TNFSF11: variants seen among roughly 807,000 people sequenced by gnomAD.
The protein encoded by TNFSF11 is tumor necrosis factor ligand superfamily member 11.
Under a neutral mutation model 32.2 loss-of-function variants are expected in TNFSF11, and 12 were observed. The ratio of observed to expected loss-of-function variants is 0.37; its 90% CI spans 0.24 to 0.60. The LOEUF (loss-of-function observed/expected upper bound fraction) is 0.60, where lower values mean the gene tolerates loss of function less well. Ranked by LOEUF, TNFSF11 falls within the 20% of genes least tolerant of loss-of-function variation. The pLI is 0.66. For missense variants in TNFSF11, 345 were observed against 398.0 expected (o/e 0.87, Z 1.13); for synonymous variants, 172 against 152.1 (o/e 1.13, Z -0.96).
At chr13:42,564,216 C>T (rs1170912380) in intron 1 of TNFSF11, among the ~76,000 whole-genome samples, 1 of 152,122 alleles carries the variant, frequency 6.6e-6, no homozygotes, top group Non-Finnish European at 1.5e-5. Context: ...TCTATCTCTT[C>T]ATCCATTTTG....
intron 2 of TNFSF11, among the ~76,000 whole-genome samples, chr13:42,585,282 C>A (rs1417879165): frequency 6.6e-6 from 1 of 152,232 alleles, no homozygotes; most frequent in East Asian, 1.9e-4. Flanking sequence ...TTGAGTGAAC[C>A]CTTAAAACAA....
intron 1 of TNFSF11, among the ~76,000 whole-genome samples, chr13:42,563,532 G>T (rs1391509745): frequency 1.3e-5 from 2 of 151,954 alleles, no homozygotes; most frequent in Admixed American, 1.3e-4. Flanking sequence ...GTGTGGTGGC[G>T]GACACTTGTC....
intron 2 of TNFSF11, among the ~76,000 whole-genome samples, chr13:42,588,022 T>C (rs1873980635): frequency 6.6e-6 from 1 of 152,248 alleles, no homozygotes; most frequent in Admixed American, 6.5e-5. Context: ...AAGTTTCTCA[T>C]AAACCCACAA....
At chr13:42,597,530 C>T (rs12585229) in intron 2 of TNFSF11, among the ~76,000 whole-genome samples, 15,290 of 152,062 alleles carry the variant, frequency 0.1, 1,176 homozygotes, top group East Asian at 0.3. Context: ...TCCGTTGCAT[C>T]GGTGGCTTGA....
At chr13:42,600,051 G>A (rs1377618718) in intron 2 of TNFSF11, among the ~76,000 whole-genome samples, 1 of 152,188 alleles carries the variant, frequency 6.6e-6, no homozygotes. Flanking sequence ...GTCAGCTAAT[G>A]TCTGGATACA....
chr13:42,597,322 G>T (rs1484137094), intron 2 of TNFSF11, among the ~76,000 whole-genome samples: 5 of 144,778 alleles, frequency 3.5e-5, no homozygotes, highest in Non-Finnish European at 7.5e-5. Flanking sequence ...TTCATCCTGG[G>T]TCATGAAGCC....
chr13:42,571,370 T>TA (rs1455725313), upstream of TNFSF11, among the ~76,000 whole-genome samples: 3 of 116,652 alleles, frequency 2.6e-5, no homozygotes, highest in African/African-American at 9.9e-5. Flanking sequence ...TTTATTTTTA[T>TA]CTTTTTTTTA....
chr13:42,601,333 A>G (rs1486071406), intron 4 of TNFSF11, among the ~76,000 whole-genome samples: 1 of 152,192 alleles, frequency 6.6e-6, no homozygotes, highest in Non-Finnish European at 1.5e-5. Context: ...CTCAGAGGTG[A>G]ATGAATTCAT....
At chr13:42,599,334 T>C (rs1594477940) in intron 2 of TNFSF11, among the ~76,000 whole-genome samples, 1 of 130,942 alleles carries the variant, frequency 7.6e-6, no homozygotes, top group Admixed American at 7.7e-5. Flanking sequence ...TCTATCTATC[T>C]ATCTATCTAT....
intron 2 of TNFSF11, chr13:42,566,846 A>G: frequency 6.6e-6 from 1 of 152,258 alleles, no homozygotes; most frequent in Non-Finnish European, 1.5e-5. Flanking sequence ...TACAAAAATT[A>G]GCCAGGCATG....
chr13:42,594,204 G>C (rs1423240456), intron 2 of TNFSF11, among the ~76,000 whole-genome samples: 1 of 151,786 alleles, frequency 6.6e-6, no homozygotes, highest in African/African-American at 2.4e-5. Flanking sequence ...TTAGCCTCCC[G>C]AGTACCTGGG....
At chr13:42,579,280 CA>C (rs888894234) in intron 1 of TNFSF11, among the ~76,000 whole-genome samples, 2 of 151,820 alleles carry the variant, frequency 1.3e-5, no homozygotes, top group Non-Finnish European at 2.9e-5. Context: ...TGGTGGCCTG[CA>C]CCTGTAGTCC....
At chr13:42,574,039 A>C, upstream of TNFSF11, 1 of 531,832 alleles carries the variant, frequency 1.9e-6, no homozygotes, top group Non-Finnish European at 3.3e-6. Context: ...GGCGAAAGGA[A>C]GGAAGGGGAG....
chr13:42,575,295 C>A (rs189426959), intron 1 of TNFSF11, among the ~76,000 whole-genome samples: 75 of 152,140 alleles, frequency 4.9e-4, no homozygotes, highest in African/African-American at 1.6e-3. Context: ...GTTTTTTGCA[C>A]GACGGCTAGG....
Position 42,583,444 on chromosome 13 carries a change from G to GAAAAAAAAAAAAAAAAAAAAAAAAAAAA in TNFSF11, c.387+2153_387+2154insAAAAAAAAAAAAAAAAAAAAAAAAAAAA, listed in dbSNP as rs71202227. 8.4e-5 allele frequency among the ~76,000 whole-genome samples: 8 copies of GAAAAAAAAAAAAAAAAAAAAAAAAAAAA among 95,602 alleles called. 1 individual carries two copies. The highest frequency in any genetic ancestry group is 3.3e-4 in the African/African-American group (7 of 21,506). 62.7% of individuals were successfully genotyped at this position (95,602 alleles called of 152,430 possible). A position where few individuals can be genotyped will look rare whatever the true frequency, so the allele number is the denominator to read the frequency against. On this transcript the variant is annotated intron_variant, in intron 2 of 4. Transcript: ENST00000398795. Reference sequence around the variant, plus strand: ...AAAAAAAAAAAAAAAAAAAAGAAAGGAAGAAAGGAAGGAAGGAAAAAGATT... The same window carrying GAAAAAAAAAAAAAAAAAAAAAAAAAAAA: ...AAAAAAAAAAAAAAAAAAAAGAAAGGAAAAAAAAAAAAAAAAAAAAAAAAAAAAAAGAAAGGAAGGAAGGAAAAAGATT...
chr13:42,596,459 AT>A (rs1868813349), intron 2 of TNFSF11, among the ~76,000 whole-genome samples: 1 of 152,138 alleles, frequency 6.6e-6, no homozygotes, highest in Non-Finnish European at 1.5e-5. Flanking sequence ...GGCTAGTGGT[AT>A]TTTGTCCCAG....
In TNFSF11 at chr13:42,591,304, C is replaced by T. The variant is rs560907607; in HGVS notation, c.388-9448C>T. ...TTAAGGTGAGGATGGCTTTTACCTT[C>T]GGGATGAGTGGGGTCTATACCCTAC... On this transcript the variant is annotated intron_variant, in intron 2 of 4. Transcript: ENST00000398795. 4.4e-4 allele frequency among the ~76,000 whole-genome samples: 67 copies of T among 152,186 alleles called. 1 individual carries two copies. Among genetic ancestry groups the T allele is most frequent in the Non-Finnish European group, 7.5e-4 (51 of 67,982 alleles).
rs145292944 is a variant in TNFSF11 at position 42,584,252 on chromosome 13, G to A, written c.387+2959G>A. Among the ~76,000 whole-genome samples, 720 of 152,308 alleles carry A rather than the reference G, an allele frequency of 4.7e-3. 3 individuals carry two copies. Among genetic ancestry groups the A allele is most frequent in the Middle Eastern group, 0.02 (6 of 294 alleles). On this transcript the variant is annotated intron_variant, in intron 2 of 4. Coordinates refer to ENST00000398795, the MANE Select transcript of TNFSF11 (RefSeq NM_003701.4). ...ACTGTGTGTCTCTCTGTGAGTGAATGTATGTGTGTATATAATTTAATATAA... is the reference window on the plus strand; with the variant it reads ...ACTGTGTGTCTCTCTGTGAGTGAATATATGTGTGTATATAATTTAATATAA...
rs573523659 is a variant in TNFSF11 at position 42,595,153 on chromosome 13, A to G, written c.388-5599A>G. Among the ~76,000 whole-genome samples the G allele has an allele frequency of 9.2e-5, 14 of 152,306 alleles. No homozygotes were observed. In the South Asian group the frequency reaches 2.7e-3, roughly 29 times the overall value. On this transcript the variant is annotated intron_variant, in intron 2 of 4. Coordinates refer to ENST00000398795, the MANE Select transcript of TNFSF11 (RefSeq NM_003701.4). ...GACTGCGGCGTTGTCAGGATTGTCA[A>G]TGTTGGACAGCGTCCACTAGGTGGC...
Sources: gnomAD v4.1 joint callset for allele counts (sites outside exome capture counted in the v4.1 genomes callset) on GRCh38, gnomAD v4.1.1 for gene constraint, MANE v1.5 for transcripts, NCBI Gene and HGNC (gene_info 2026-07-23, HGNC 2026-07-21) for gene names.